TAFA2: variants seen among roughly 807,000 people sequenced by gnomAD.
The protein encoded by TAFA2 is TAFA chemokine like family member 2.
Under a neutral mutation model 18.8 loss-of-function variants are expected in TAFA2, and 7 were observed. That is an observed-to-expected ratio of 0.37 (90% confidence interval 0.21 to 0.70). The LOEUF (loss-of-function observed/expected upper bound fraction) is 0.70. Among genes scored for constraint, TAFA2 ranks in the 30% least tolerant of loss-of-function variants. The probability of loss-of-function intolerance (pLI) is 0.53; values close to 1 mark genes in which losing one functional copy is unlikely to be tolerated. For missense variants in TAFA2, 122 were observed against 158.1 expected (o/e 0.77, Z 1.23); for synonymous variants, 60 against 54.2 (o/e 1.11, Z -0.47).
At chr12:61,899,304 A>G (rs1875993481) in intron 1 of TAFA2, among the ~76,000 whole-genome samples, 1 of 152,152 alleles carries the variant, frequency 6.6e-6, no homozygotes, top group Non-Finnish European at 1.5e-5. Flanking sequence ...TCTTTATAGC[A>G]GTGCCCCACT....
intron 4 of TAFA2, among the ~76,000 whole-genome samples, chr12:61,739,358 A>G (rs1868361484): frequency 6.6e-6 from 1 of 152,038 alleles, no homozygotes; most frequent in African/African-American, 2.4e-5. Context: ...ACACCTTGAC[A>G]ATGTCTCCAT....
intron 1 of TAFA2, among the ~76,000 whole-genome samples, chr12:62,028,795 A>G (rs2136742060): frequency 6.6e-6 from 1 of 152,286 alleles, no homozygotes; most frequent in Admixed American, 6.5e-5. Context: ...TTTATTAGTC[A>G]GAAAAAGAGA....
chr12:62,061,406 A>T (rs974563668), intron 1 of TAFA2, among the ~76,000 whole-genome samples: 2 of 152,228 alleles, frequency 1.3e-5, no homozygotes, highest in African/African-American at 4.8e-5. Flanking sequence ...GGAGCAACAG[A>T]CTATACCATA....
intron 1 of TAFA2, among the ~76,000 whole-genome samples, chr12:61,970,867 T>G (rs1879224102): frequency 6.6e-6 from 1 of 151,242 alleles, no homozygotes; most frequent in South Asian, 2.1e-4. Flanking sequence ...TACCTGGTCC[T>G]CAAAGACTAA....
intron 1 of TAFA2, among the ~76,000 whole-genome samples, chr12:61,870,705 T>A (rs1362302358): frequency 2.0e-5 from 3 of 152,138 alleles, no homozygotes; most frequent in African/African-American, 7.2e-5. Flanking sequence ...TTACCCACCA[T>A]GCCACCTGAA....
intron 2 of TAFA2, among the ~76,000 whole-genome samples, chr12:61,756,885 G>A (rs1219236960): frequency 1.3e-5 from 2 of 152,150 alleles, no homozygotes; most frequent in Non-Finnish European, 2.9e-5. Context: ...AAATAACAAG[G>A]TCATGAAGTA....
At chr12:61,737,608 C>T (rs1004672152) in intron 4 of TAFA2, among the ~76,000 whole-genome samples, 1 of 151,646 alleles carries the variant, frequency 6.6e-6, no homozygotes, top group African/African-American at 2.4e-5. Context: ...AACTTAGTTT[C>T]CTTACCTATA....
chr12:62,114,666 G>A (rs1051740321), intron 1 of TAFA2, among the ~76,000 whole-genome samples: 9 of 152,112 alleles, frequency 5.9e-5, no homozygotes, highest in South Asian at 2.1e-4. Flanking sequence ...ACTGTGGAGC[G>A]TGTCCATATT....
chr12:62,235,013 C>A, intron 1 of TAFA2: 1 of 643,446 alleles, frequency 1.6e-6, no homozygotes, highest in Non-Finnish European at 3.0e-6. Context: ...CAGGGTAAGG[C>A]ATTGTAGGGT....
chr12:61,730,524 C>T (rs958842185), intron 4 of TAFA2, among the ~76,000 whole-genome samples: 2 of 151,978 alleles, frequency 1.3e-5, no homozygotes, highest in African/African-American at 4.8e-5. Context: ...AGAGAAAGAC[C>T]ATCAAGTGGG....
At chr12:61,724,796 T>TACACCAGATGG (rs1477626706) in intron 4 of TAFA2, among the ~76,000 whole-genome samples, 1 of 137,740 alleles carries the variant, frequency 7.3e-6, no homozygotes, top group African/African-American at 3.0e-5. Flanking sequence ...TGTGTGTGTG[T>TACACCAGATGG]GTGTGTATAC....
At chr12:61,852,112 C>T (rs1592434899) in intron 2 of TAFA2, among the ~76,000 whole-genome samples, 1 of 150,824 alleles carries the variant, frequency 6.6e-6, no homozygotes, top group Non-Finnish European at 1.5e-5. Context: ...GAGGCTGAGG[C>T]AGGAGAATCG....
chr12:61,957,315 G>A (rs1322609428), intron 1 of TAFA2, among the ~76,000 whole-genome samples: 2 of 152,094 alleles, frequency 1.3e-5, no homozygotes, highest in Non-Finnish European at 2.9e-5. Flanking sequence ...CAGTAGGGAA[G>A]ACTTTATTCA....
At chr12:62,015,661 A>G (rs891238366) in intron 1 of TAFA2, among the ~76,000 whole-genome samples, 1 of 152,234 alleles carries the variant, frequency 6.6e-6, no homozygotes, top group Non-Finnish European at 1.5e-5. Context: ...GTTACTATAT[A>G]GAGAAGCAAA....
intron 2 of TAFA2, among the ~76,000 whole-genome samples, chr12:61,807,372 C>T (rs531961407): frequency 6.6e-6 from 1 of 151,448 alleles, no homozygotes; most frequent in South Asian, 2.1e-4. Flanking sequence ...GGAACCTCTG[C>T]CTAGATTTCA....
At chr12:61,808,399 G>A (rs754829559) in intron 2 of TAFA2, among the ~76,000 whole-genome samples, 5 of 151,296 alleles carry the variant, frequency 3.3e-5, no homozygotes, top group Admixed American at 6.6e-5. Context: ...TCCCAGTCTC[G>A]GGTATGTCTT....
intron 1 of TAFA2, among the ~76,000 whole-genome samples, chr12:62,110,707 G>A (rs958984061): frequency 4.0e-5 from 6 of 148,790 alleles, no homozygotes; most frequent in Non-Finnish European, 7.4e-5. Flanking sequence ...CTTCTTCCTG[G>A]TTTAGTCTTG....
At chr12:62,043,715 T>A (rs1881831567) in intron 1 of TAFA2, among the ~76,000 whole-genome samples, 1 of 152,308 alleles carries the variant, frequency 6.6e-6, no homozygotes, top group South Asian at 2.1e-4. Context: ...TTAAGCATCT[T>A]GCAAGGAATC....
chr12:62,213,345 A>C (rs141351684), intron 1 of TAFA2, among the ~76,000 whole-genome samples: 1 of 152,334 alleles, frequency 6.6e-6, no homozygotes, highest in African/African-American at 2.4e-5. Flanking sequence ...TTAAATAATT[A>C]TTAAAAGTAT....
Sources: allele counts gnomAD v4.1 joint callset (sites outside exome capture counted in the v4.1 genomes callset), GRCh38; gene constraint gnomAD v4.1.1; transcripts MANE v1.5; gene names NCBI Gene and HGNC (gene_info 2026-07-23, HGNC 2026-07-21).